MGAT4C: variants seen among roughly 807,000 people sequenced by gnomAD.
The protein encoded by MGAT4C is MGAT4 family member C.
A neutral mutation model predicts 40.1 loss-of-function variants in MGAT4C; 19 were observed. The ratio of observed to expected loss-of-function variants is 0.47; its 90% CI spans 0.33 to 0.70. The LOEUF is 0.70. MGAT4C is among the 30% of genes least tolerant of loss of function. MGAT4C has a pLI of 0.02. For synonymous variants in MGAT4C, 181 were observed against 187.1 expected, an observed-to-expected ratio of 0.97 and a Z score of 0.27; for missense variants, 491 against 563.2, an observed-to-expected ratio of 0.87 and a Z score of 1.30.
chr12:86,247,382 G>A (rs1293145247), intron 1 of MGAT4C, among the ~76,000 whole-genome samples: 1 of 152,076 alleles, frequency 6.6e-6, no homozygotes, highest in Non-Finnish European at 1.5e-5. Flanking sequence ...TATATATCTA[G>A]CTGATTTCCT....
intron 2 of MGAT4C, among the ~76,000 whole-genome samples, chr12:86,496,376 G>C (rs373998002): frequency 7.2e-5 from 11 of 151,982 alleles, no homozygotes; most frequent in Admixed American, 2.0e-4. Context: ...GTGAATGAGC[G>C]TAATAATTAT....
chr12:86,806,131 T>A (rs1952348297), intron 1 of MGAT4C, among the ~76,000 whole-genome samples: 1 of 151,936 alleles, frequency 6.6e-6, no homozygotes, highest in Non-Finnish European at 1.5e-5. Context: ...ATTCATTTTC[T>A]TATTTTTATT....
At chr12:86,560,661 G>A (rs1473399737) in intron 2 of MGAT4C, among the ~76,000 whole-genome samples, 1 of 152,072 alleles carries the variant, frequency 6.6e-6, no homozygotes, top group Non-Finnish European at 1.5e-5. Flanking sequence ...AGTCATGTAT[G>A]ACAAGCCCAC....
chr12:86,707,331 T>C (rs900683322), intron 2 of MGAT4C, among the ~76,000 whole-genome samples: 3 of 152,058 alleles, frequency 2.0e-5, no homozygotes, highest in Admixed American at 6.6e-5. Context: ...AAAATGCTGA[T>C]AGCAATATGG....
At chr12:86,330,429 T>C (rs1404910790) in intron 4 of MGAT4C, among the ~76,000 whole-genome samples, 1 of 152,206 alleles carries the variant, frequency 6.6e-6, no homozygotes, top group African/African-American at 2.4e-5. Flanking sequence ...TACTTTTCTC[T>C]TGTTAATCTG....
intron 4 of MGAT4C, among the ~76,000 whole-genome samples, chr12:86,278,639 C>T (rs1036404532): frequency 2.9e-4 from 44 of 152,282 alleles, no homozygotes; most frequent in African/African-American, 9.6e-4. Context: ...AGCATATCAT[C>T]TGCAAACAAA....
At chr12:86,257,863 T>C (rs1952567491), upstream of MGAT4C, among the ~76,000 whole-genome samples, 1 of 152,130 alleles carries the variant, frequency 6.6e-6, no homozygotes, top group African/African-American at 2.4e-5. Flanking sequence ...CACCACTTAC[T>C]ATCTGTAAAA....
intron 2 of MGAT4C, among the ~76,000 whole-genome samples, chr12:86,463,661 C>T (rs1185770692): frequency 6.6e-6 from 1 of 152,094 alleles, no homozygotes; most frequent in African/African-American, 2.4e-5. Flanking sequence ...ATTTTAAGAA[C>T]ATTCATTTTT....
chr12:86,282,518 AAAATAAAAT>A (rs1209011673), intron 4 of MGAT4C, among the ~76,000 whole-genome samples: 1 of 152,072 alleles, frequency 6.6e-6, no homozygotes, highest in African/African-American at 2.4e-5. Flanking sequence ...TTATAATAAC[AAAATAAAAT>A]ATTGAAACAG....
intron 4 of MGAT4C, among the ~76,000 whole-genome samples, chr12:86,294,079 G>C (rs1158023199): frequency 6.6e-6 from 1 of 151,622 alleles, no homozygotes; most frequent in African/African-American, 2.4e-5. Flanking sequence ...AATATTACAG[G>C]ACATAGAATG....
chr12:85,982,846 C>T (rs1249608000), intron 4 of MGAT4C, among the ~76,000 whole-genome samples: 1 of 151,904 alleles, frequency 6.6e-6, no homozygotes, highest in African/African-American at 2.4e-5. Flanking sequence ...TAACTTGTGT[C>T]CTTATAAAAA....
chr12:86,335,714 C>CA (rs1427006275), intron 3 of MGAT4C, among the ~76,000 whole-genome samples: 1 of 151,864 alleles, frequency 6.6e-6, no homozygotes, highest in African/African-American at 2.4e-5. Flanking sequence ...GGTTTCTTTG[C>CA]AAAAAACATA....
intron 2 of MGAT4C, among the ~76,000 whole-genome samples, chr12:86,594,905 G>A (rs1254076770): frequency 3.3e-5 from 5 of 152,112 alleles, no homozygotes; most frequent in African/African-American, 1.2e-4. Flanking sequence ...TCCAGTGCAG[G>A]AGCCCAGTCT....
rs1218942118 is a variant in MGAT4C, at chr12:86,286,942, T to A, written c.-57+47123A>T. Among the ~76,000 whole-genome samples the A allele has an allele frequency of 2.0e-5, 3 of 152,194 alleles. No homozygotes were observed. The East Asian group carries it at 5.8e-4, about 29-fold the overall frequency. ...CTCATTCTTTTCTGTGGGTGCATGG[T>A]ATTCCATGATTTATAAGTAATATAT... is the stretch of plus-strand genomic sequence containing the variant. On this transcript the variant is annotated intron_variant, in intron 4 of 7. Transcript: ENST00000548651.
intron 2 of MGAT4C, among the ~76,000 whole-genome samples, chr12:86,442,745 G>C (rs1356748965): frequency 6.7e-6 from 1 of 148,296 alleles, no homozygotes; most frequent in African/African-American, 2.5e-5. Flanking sequence ...AGTGTTGACT[G>C]GTCAACAAAG....
At chr12:86,101,003 C>T (rs1874921654) in intron 1 of MGAT4C, among the ~76,000 whole-genome samples, 1 of 151,684 alleles carries the variant, frequency 6.6e-6, no homozygotes, top group South Asian at 2.1e-4. Context: ...TAACTAACAA[C>T]AGGCAAGTGT....
intron 2 of MGAT4C, among the ~76,000 whole-genome samples, chr12:86,589,641 G>A (rs1961235981): frequency 2.6e-5 from 4 of 151,916 alleles, no homozygotes; most frequent in East Asian, 1.9e-4. Context: ...GAACATTGAC[G>A]CAAAAAATCC....
chr12:86,602,382 T>A (rs1243183822), intron 2 of MGAT4C, among the ~76,000 whole-genome samples: 1 of 152,184 alleles, frequency 6.6e-6, no homozygotes, highest in Admixed American at 6.5e-5. Context: ...CCTAAAGTGA[T>A]CATGTATATG....
At chr12:86,293,507 T>C (rs1442915950) in intron 4 of MGAT4C, among the ~76,000 whole-genome samples, 2 of 152,228 alleles carry the variant, frequency 1.3e-5, no homozygotes, top group Non-Finnish European at 2.9e-5. Context: ...GAAAAATGTG[T>C]ACTCTACCTA....
Sources: allele counts gnomAD v4.1 joint callset (sites outside exome capture counted in the v4.1 genomes callset), GRCh38; gene constraint gnomAD v4.1.1; transcripts MANE v1.5; gene names NCBI Gene and HGNC (gene_info 2026-07-23, HGNC 2026-07-21).